The following PCDH15 variants were observed in gnomAD, a reference collection of about 807,000 sequenced individuals.
PCDH15 encodes the protein protocadherin-15.
In PCDH15, 129 loss-of-function variants were observed where a neutral mutation model predicts 178.5. The ratio of observed to expected loss-of-function variants is 0.72; its 90% CI spans 0.63 to 0.84. The LOEUF is 0.84. Ranked by LOEUF, PCDH15 falls within the 40% of genes least tolerant of loss-of-function variation. The pLI is 0.00. For missense variants in PCDH15, 2,230 were observed against 2,099.9 expected (o/e 1.06, Z -1.21); for synonymous variants, 800 against 732.0 (o/e 1.09, Z -1.50).
intron 3 of PCDH15, among the ~76,000 whole-genome samples, chr10:54,390,404 T>C (rs1213714761): frequency 6.6e-6 from 1 of 152,170 alleles, no homozygotes; most frequent in East Asian, 1.9e-4. Flanking sequence ...GCCATTCTTC[T>C]GCCTCAGCCT....
rs1951142427 is a variant in PCDH15 at position 54,788,941 on chromosome 10, C to T, written c.-29+11984G>A. Among the ~76,000 whole-genome samples the T allele has an allele frequency of 2.6e-5, 4 of 151,798 alleles. No individual in the cohort carries two copies. In the South Asian group the frequency reaches 8.3e-4, roughly 31 times the overall value. On this transcript the variant is annotated intron_variant, in intron 1 of 37. Coordinates refer to ENST00000644397, the MANE Select transcript of PCDH15 (RefSeq NM_001384140.1). ...TAATTCTTTATAGAATCAAGGTCCT[C>T]TAGAAACTTGGTCATTTCCTATATG...
intron 2 of PCDH15, among the ~76,000 whole-genome samples, chr10:54,922,996 C>T (rs1249110502): frequency 6.6e-6 from 1 of 152,164 alleles, no homozygotes; most frequent in Non-Finnish European, 1.5e-5. Context: ...TCCATGAGGA[C>T]TCCACCCCTG....
intron 3 of PCDH15, among the ~76,000 whole-genome samples, chr10:54,408,711 C>T (rs1278138216): frequency 1.3e-5 from 2 of 152,068 alleles, no homozygotes; most frequent in Admixed American, 1.3e-4. Context: ...TGGGGTTACT[C>T]TGACAAGATT....
chr10:54,830,598 G>A (rs12764380), intron 3 of PCDH15, among the ~76,000 whole-genome samples: 11 of 151,146 alleles, frequency 7.3e-5, no homozygotes, highest in Non-Finnish European at 1.6e-4. Flanking sequence ...GTGGGGGTAG[G>A]GGGGAGGGAT....
At chr10:55,222,271 A>G (rs1402257520) in intron 1 of PCDH15, among the ~76,000 whole-genome samples, 1 of 152,044 alleles carries the variant, frequency 6.6e-6, no homozygotes, top group African/African-American at 2.4e-5. Context: ...GTACTAGCTA[A>G]TGTCAACCTC....
chr10:54,545,247 A>G (rs2085713337), intron 2 of PCDH15, among the ~76,000 whole-genome samples: 1 of 152,202 alleles, frequency 6.6e-6, no homozygotes, highest in South Asian at 2.1e-4. Flanking sequence ...AATAGCTTCA[A>G]TACTACTTTG....
chr10:54,788,339 T>C (rs1013916674), intron 1 of PCDH15, among the ~76,000 whole-genome samples: 1 of 151,904 alleles, frequency 6.6e-6, no homozygotes, highest in East Asian at 1.9e-4. Context: ...TTACACCTTA[T>C]GAATCTGAAA....
intron 2 of PCDH15, among the ~76,000 whole-genome samples, chr10:55,449,797 G>C (rs1227021740): frequency 2.0e-5 from 3 of 152,044 alleles, no homozygotes; most frequent in African/African-American, 7.2e-5. Flanking sequence ...GAACCCTTGG[G>C]TCATAGATTC....
At chr10:54,835,351 T>A (rs1953298125) in intron 3 of PCDH15, among the ~76,000 whole-genome samples, 1 of 152,156 alleles carries the variant, frequency 6.6e-6, no homozygotes, top group Non-Finnish European at 1.5e-5. Flanking sequence ...TCCTGTTGGT[T>A]TTGCCAAGTT....
intron 13 of PCDH15, among the ~76,000 whole-genome samples, chr10:54,161,453 T>C (rs1482831269): frequency 6.6e-6 from 1 of 152,028 alleles, no homozygotes; most frequent in African/African-American, 2.4e-5. Context: ...TGATGGAAAT[T>C]TTGGGGGTGA....
intron 32 of PCDH15, among the ~76,000 whole-genome samples, chr10:53,824,565 A>G (rs1226281900): frequency 6.6e-6 from 1 of 152,212 alleles, no homozygotes; most frequent in Non-Finnish European, 1.5e-5. Flanking sequence ...TCACACAGGT[A>G]GACCTGGAGC....
At chr10:54,353,650 T>C (rs1944507926) in intron 5 of PCDH15, among the ~76,000 whole-genome samples, 1 of 147,262 alleles carries the variant, frequency 6.8e-6, no homozygotes, top group Non-Finnish European at 1.5e-5. Context: ...CTCAACTTAA[T>C]GTTTTTTTTG....
chr10:54,826,078 CTTAGTAG>C (rs1318700028), intron 3 of PCDH15, among the ~76,000 whole-genome samples: 1 of 151,908 alleles, frequency 6.6e-6, no homozygotes, highest in Non-Finnish European at 1.5e-5. Context: ...TTCAGATAGA[CTTAGTAG>C]TTAGTGCTTC....
chr10:55,381,768 A>G (rs1837538483), intron 2 of PCDH15, among the ~76,000 whole-genome samples: 4 of 152,184 alleles, frequency 2.6e-5, no homozygotes, highest in Admixed American at 2.6e-4. Context: ...AAAGAATTTT[A>G]AAAGTAAAAG....
rs139991319 is a variant in PCDH15 at position 55,217,053 on chromosome 10, A to C, written c.-155-50402T>G. ...TATGATTGGAACATACATGCAACAT[A>C]TAAAAGTTCTTCACAGAAGAATGGT... On this transcript the variant is annotated intron_variant, in intron 1 of 5. Transcript: ENST00000458638. Among the ~76,000 whole-genome samples the C allele has an allele frequency of 4.2e-3, 644 of 152,044 alleles. 8 individuals are homozygous for C. Among genetic ancestry groups the C allele is most frequent in the African/African-American group, 0.015 (624 of 41,488 alleles).
At chr10:54,461,299 A>G (rs1365306768) in intron 3 of PCDH15, among the ~76,000 whole-genome samples, 1 of 152,148 alleles carries the variant, frequency 6.6e-6, no homozygotes, top group African/African-American at 2.4e-5. Context: ...TCATTTATGC[A>G]CAATAGCCTA....
rs61730754 is a variant in PCDH15 at position 54,153,182 on chromosome 10, C to T, written c.1702G>A (p.Ala568Thr). 1,820 of 1,613,888 alleles carry T rather than the reference C, an allele frequency of 1.1e-3. 14 individuals carry two copies. In the African/African-American group the frequency reaches 0.02, roughly 17 times the overall value. Residue 568 changes from alanine to threonine, a missense_variant, in exon 14 of 38, where the codon GCT becomes ACT. Transcript: ENST00000644397. ...CCGACTATCATTTCCACCCCTGGAGCGATGGTGATAAGCCCTGTTGTTTTA... is the reference window on the plus strand; with the variant it reads ...CCGACTATCATTTCCACCCCTGGAGTGATGGTGATAAGCCCTGTTGTTTTA... Reference protein sequence around the residue: ...INKTTGLITIAPGVEMIVGRT... With the variant: ...INKTTGLITITPGVEMIVGRT...
intron 18 of PCDH15, among the ~76,000 whole-genome samples, chr10:54,058,764 A>G (rs911461866): frequency 4.0e-5 from 6 of 150,806 alleles, no homozygotes; most frequent in Admixed American, 4.0e-4. Context: ...TGCAATCTCA[A>G]CTCACTGCAA....
intron 2 of PCDH15, among the ~76,000 whole-genome samples, chr10:55,018,629 G>C (rs559210986): frequency 1.6e-4 from 25 of 152,106 alleles, no homozygotes; most frequent in Admixed American, 1.4e-3. Flanking sequence ...ATGAGGATAA[G>C]GTAGGGATAA....
Sources: gnomAD v4.1 joint callset for allele counts (sites outside exome capture counted in the v4.1 genomes callset) on GRCh38, gnomAD v4.1.1 for gene constraint, MANE v1.5 for transcripts, NCBI Gene and HGNC (gene_info 2026-07-23, HGNC 2026-07-21) for gene names.